Variants in AIM2 observed in about 807,000 individuals in gnomAD.
The protein encoded by AIM2 is interferon-inducible protein AIM2.
In AIM2, 30 loss-of-function variants were observed where a neutral mutation model predicts 27.7. The ratio of observed to expected loss-of-function variants is 1.08; its 90% CI spans 0.81 to 1.47. The LOEUF is 1.47. AIM2 is among the 40% of genes most tolerant of loss of function. The probability of loss-of-function intolerance (pLI) is 0.00; values close to 1 mark genes in which losing one functional copy is unlikely to be tolerated. For synonymous variants in AIM2, 141 were observed against 145.3 expected (o/e 0.97, Z 0.21); for missense variants, 358 against 411.3 (o/e 0.87, Z 1.12).
At chr1:159,108,566 TA>T in intron 1 of AIM2, among the ~76,000 whole-genome samples, 1 of 152,122 alleles carries the variant, frequency 6.6e-6, no homozygotes, top group Admixed American at 6.5e-5. Context: ...GAGAAAGAAA[TA>T]AAGGTCATCT....
chr1:159,095,348 G>A (rs1657150654), intron 1 of AIM2, among the ~76,000 whole-genome samples: 1 of 152,184 alleles, frequency 6.6e-6, no homozygotes, highest in African/African-American at 2.4e-5. Context: ...ATAGAGAATA[G>A]TTTTTGTTAC....
Position 159,116,216 on chromosome 1 carries a change from C to T in AIM2, c.-16+24215G>A, listed in dbSNP as rs981090357. Among the ~76,000 whole-genome samples the T allele has an allele frequency of 2.0e-3, 297 of 152,180 alleles. 2 individuals carry two copies. Among genetic ancestry groups the T allele is most frequent in the Middle Eastern group, 3.4e-3 (1 of 294 alleles). ...TGGACAGGATGTGGAGAAATAGGAA[C>T]ACTTTTACACTGTTGGTGGGACTGT... On this transcript the variant is annotated intron_variant, in intron 1 of 2. Transcript: ENST00000368129.
At chr1:159,091,189 CAAAT>C (rs1326338818) in intron 1 of AIM2, among the ~76,000 whole-genome samples, 2 of 152,156 alleles carry the variant, frequency 1.3e-5, no homozygotes, top group Non-Finnish European at 2.9e-5. Flanking sequence ...AATAAAGTAA[CAAAT>C]AATACAGCTA....
intron 1 of AIM2, among the ~76,000 whole-genome samples, chr1:159,090,740 A>T (rs1208980262): frequency 6.6e-6 from 1 of 152,190 alleles, no homozygotes; most frequent in Non-Finnish European, 1.5e-5. Context: ...GGAGACACAG[A>T]TCCCTCTGTC....
At chr1:159,139,463 G>A (rs867992955) in intron 1 of AIM2, among the ~76,000 whole-genome samples, 1 of 152,098 alleles carries the variant, frequency 6.6e-6, no homozygotes, top group Non-Finnish European at 1.5e-5. Context: ...CTCTATATTT[G>A]CACAGTGCTG....
rs547147384 is a variant in AIM2 at position 159,086,703 on chromosome 1, C to T, written c.-15-20374G>A. On this transcript the variant is annotated intron_variant, in intron 1 of 2. Coordinates refer to the AIM2 transcript ENST00000368129. ...AACTCACAGGCTTGGGCACTACACCCGTGCAAGTTAAAATCCCTGCTCCAC... is the reference window on the plus strand; with the variant it reads ...AACTCACAGGCTTGGGCACTACACCTGTGCAAGTTAAAATCCCTGCTCCAC... 3.7e-4 allele frequency among the ~76,000 whole-genome samples: 56 copies of T among 152,306 alleles called. 1 individual carries two copies. The highest frequency in any genetic ancestry group is 5.3e-4 in the African/African-American group (22 of 41,564).
chr1:159,119,166 T>C (rs1311543248), intron 1 of AIM2, among the ~76,000 whole-genome samples: 1 of 152,126 alleles, frequency 6.6e-6, no homozygotes, highest in African/African-American at 2.4e-5. Flanking sequence ...ATCGGAACGC[T>C]TGTAACCCCA....
intron 3 of AIM2, among the ~76,000 whole-genome samples, chr1:159,067,579 A>G (rs1656162362): frequency 6.6e-6 from 1 of 152,200 alleles, no homozygotes; most frequent in African/African-American, 2.4e-5. Context: ...CCACTACAGA[A>G]GTCCTTCTCT....
intron 1 of AIM2, among the ~76,000 whole-genome samples, chr1:159,105,352 G>A (rs68180890): frequency 0.068 from 10,360 of 152,240 alleles, 506 homozygotes; most frequent in African/African-American, 0.14. Context: ...GCCCTCGCCC[G>A]TGGACCCCCT....
At chr1:159,068,920 C>T (rs1249572989) in intron 2 of AIM2, among the ~76,000 whole-genome samples, 1 of 152,154 alleles carries the variant, frequency 6.6e-6, no homozygotes, top group African/African-American at 2.4e-5. Flanking sequence ...TGGAGGATCA[C>T]TTGAGGCCAG....
intron 1 of AIM2, among the ~76,000 whole-genome samples, chr1:159,116,397 G>A (rs1305885984): frequency 2.6e-5 from 4 of 152,118 alleles, no homozygotes; most frequent in African/African-American, 9.7e-5. Flanking sequence ...TGTTTATTGT[G>A]GCACTATTCA....
the AIM2 span, among the ~76,000 whole-genome samples, chr1:159,056,717 CAAAAAAAAAAA>C: frequency 0.011 from 493 of 44,238 alleles, 10 homozygotes; most frequent in African/African-American, 0.034. Context: ...GCCCAACCGG[CAAAAAAAAAAA>C]AAAAAAAAAA....
At position 159,068,671 on chromosome 1, in the gene AIM2, G is replaced by C. The variant is rs751798059; in HGVS notation, c.293C>G (p.Pro98Arg). ...VDKQYKSVTK[P>R]KPLSQAEMSP... ...CATTTCAGCTTGACTTAGTGGCTTT[G>C]GTTTTGTTACCGATTTGTATTGCTT... Residue 98 changes from proline (P) to arginine (R), a missense_variant, in exon 3 of 6, where the codon CCA becomes CGA. By Grantham distance (103) the Pro-to-Arg change is moderately radical. Transcript: ENST00000368130. 1.2e-6 allele frequency: 2 copies of C among 1,613,584 alleles called. No homozygotes were observed. Among genetic ancestry groups the C allele is most frequent in the Non-Finnish European group, 1.7e-6 (2 of 1,179,774 alleles).
At chr1:159,122,708 C>G (rs1168035654) in intron 1 of AIM2, among the ~76,000 whole-genome samples, 1 of 152,188 alleles carries the variant, frequency 6.6e-6, no homozygotes, top group Non-Finnish European at 1.5e-5. Context: ...CAGCCTGAGT[C>G]AAAATTGTGA....
At chr1:159,075,760 A>G (rs571068044) in intron 1 of AIM2, among the ~76,000 whole-genome samples, 1 of 152,192 alleles carries the variant, frequency 6.6e-6, no homozygotes, top group Non-Finnish European at 1.5e-5. Flanking sequence ...TAAACATAAA[A>G]AAGATGTTTG....
At chr1:159,079,559 T>A (rs1445123503), upstream of AIM2, among the ~76,000 whole-genome samples, 1 of 152,158 alleles carries the variant, frequency 6.6e-6, no homozygotes, top group Admixed American at 6.5e-5. Flanking sequence ...TTTAGTAGAC[T>A]TTATTTTTTA....
intron 1 of AIM2, among the ~76,000 whole-genome samples, chr1:159,100,734 G>T (rs1182225070): frequency 6.6e-6 from 1 of 152,232 alleles, no homozygotes; most frequent in Non-Finnish European, 1.5e-5. Context: ...CCTGGTTCTT[G>T]GTTGTGTGGC....
intron 1 of AIM2, among the ~76,000 whole-genome samples, chr1:159,123,839 A>G (rs1462525083): frequency 1.3e-5 from 2 of 152,226 alleles, no homozygotes; most frequent in Non-Finnish European, 2.9e-5. Flanking sequence ...TGCCACATAT[A>G]GTCAAAAGAA....
intron 1 of AIM2, among the ~76,000 whole-genome samples, chr1:159,103,027 C>T (rs771529927): frequency 1.3e-4 from 20 of 152,174 alleles, no homozygotes; most frequent in Non-Finnish European, 2.4e-4. Context: ...TGGGTCCCCA[C>T]CCAAATCTCA....
Sources: gnomAD v4.1 joint callset for allele counts (sites outside exome capture counted in the v4.1 genomes callset) on GRCh38, gnomAD v4.1.1 for gene constraint, MANE v1.5 for transcripts, NCBI Gene and HGNC (gene_info 2026-07-23, HGNC 2026-07-21) for gene names.